Variants in PCDHA10 observed in about 807,000 individuals in gnomAD.
PCDHA10 encodes protocadherin alpha 10.
A neutral mutation model predicts 61.2 loss-of-function variants in PCDHA10; 45 were observed. The ratio of observed to expected loss-of-function variants is 0.74; its 90% CI spans 0.58 to 0.94. PCDHA10 has a LOEUF of 0.94. PCDHA10 is among the 40% of genes least tolerant of loss of function. The pLI is 0.00. For synonymous variants in PCDHA10, 602 were observed against 548.8 expected (o/e 1.10, Z -1.35); for missense variants, 1,278 against 1,236.2 (o/e 1.03, Z -0.51).
chr5:141,010,291 G>A lies in PCDHA10; in HGVS notation c.*354G>A. ...GGATCCTGTCTTGATGACACTTGCA[G>A]GGCAGGCTGAAAAGTTTTGAGATTG... On this transcript the variant is annotated 3_prime_UTR_variant, in exon 4 of 4. Coordinates refer to ENST00000307360, the MANE Select transcript of PCDHA10 (RefSeq NM_018901.4). 1.3e-6 allele frequency: 2 copies of A among 1,549,990 alleles called. No individual in the cohort carries two copies. The highest frequency in any genetic ancestry group is 1.2e-5 in the South Asian group (1 of 83,762).
At chr5:140,907,995 C>T (rs1441720086) in intron 1 of PCDHA10, among the ~76,000 whole-genome samples, 9 of 152,166 alleles carry the variant, frequency 5.9e-5, no homozygotes, top group African/African-American at 1.9e-4. Flanking sequence ...AGTCCTTAAC[C>T]ATCCAGCCAA....
At chr5:140,872,840 A>G (rs1297929350) in intron 1 of PCDHA10, among the ~76,000 whole-genome samples, 4 of 152,198 alleles carry the variant, frequency 2.6e-5, no homozygotes, top group African/African-American at 9.6e-5. Context: ...AAAAAATTAA[A>G]TATATTAATG....
intron 1 of PCDHA10, chr5:140,863,734 C>A: frequency 3.9e-6 from 1 of 256,490 alleles, no homozygotes; most frequent in Non-Finnish European, 7.7e-6. Flanking sequence ...GTAGCTCATG[C>A]CTATTTGTAA....
In PCDHA10 at chr5:140,856,348, G is replaced by A. The variant is rs2043945989; in HGVS notation, c.300G>A (p.Glu100=). 2 of 1,598,578 alleles carry A rather than the reference G, an allele frequency of 1.3e-6. No individual in the cohort carries two copies. Among genetic ancestry groups the A allele is most frequent in the Admixed American group, 1.7e-5 (1 of 59,292 alleles). ...DREELCGRSV[E]CSIHLEVIVD... ...AGGAGCTGTGCGGGCGGAGCGTGGA[G>A]TGCAGCATCCACCTGGAGGTGATCG... Residue 100 remains glutamate, a synonymous_variant, in exon 1 of 4, where the codon GAG becomes GAA. Coordinates refer to ENST00000307360, the MANE Select transcript of PCDHA10 (RefSeq NM_018901.4).
rs558490430 is a variant in PCDHA10, at chr5:140,909,702, G to A, written c.2388+51266G>A. ...AGCCAATGTGGGGGTTCTGCTAGCT[G>A]CTAAGTATACCTATGCCAATTATGC... is the stretch of plus-strand genomic sequence containing the variant. On this transcript the variant is annotated intron_variant, in intron 1 of 3. Transcript: ENST00000307360. Among the ~76,000 whole-genome samples the A allele has an allele frequency of 3.3e-5, 5 of 152,302 alleles. No individual in the cohort carries two copies. In the East Asian group the frequency reaches 9.6e-4, roughly 29 times the overall value.
chr5:140,944,182 GTTTGT>G (rs750577669), intron 1 of PCDHA10, among the ~76,000 whole-genome samples: 4 of 152,050 alleles, frequency 2.6e-5, no homozygotes, highest in African/African-American at 2.4e-5. Context: ...TTTTTTGTTG[GTTTGT>G]TTTGTTTTGT....
intron 1 of PCDHA10, among the ~76,000 whole-genome samples, chr5:140,887,146 G>A (rs1160453059): frequency 9.9e-5 from 15 of 151,600 alleles, no homozygotes; most frequent in Non-Finnish European, 2.1e-4. Context: ...GCCCAGGCTG[G>A]AGTACAGTGG....
chr5:140,996,130 G>A (rs1185857732), intron 3 of PCDHA10, among the ~76,000 whole-genome samples: 2 of 152,162 alleles, frequency 1.3e-5, no homozygotes, highest in African/African-American at 4.8e-5. Flanking sequence ...GGTGTAGAGG[G>A]TTCTCCCATT....
chr5:140,862,622 G>T (rs2047457580), intron 1 of PCDHA10: 8 of 530,260 alleles, frequency 1.5e-5, no homozygotes, highest in South Asian at 1.1e-4. Context: ...AACAACCCGC[G>T]GGGCTGCCAC....
intron 1 of PCDHA10, among the ~76,000 whole-genome samples, chr5:140,965,278 C>T (rs1554227554): frequency 6.6e-6 from 1 of 152,176 alleles, no homozygotes; most frequent in African/African-American, 2.4e-5. Flanking sequence ...AATGACACAG[C>T]ATGGAAAGAT....
At chr5:140,942,907 C>T (rs990206907) in intron 1 of PCDHA10, among the ~76,000 whole-genome samples, 14 of 151,044 alleles carry the variant, frequency 9.3e-5, no homozygotes, top group Non-Finnish European at 1.6e-4. Flanking sequence ...TAAGAATAAG[C>T]GTGAAGAAAA....
chr5:140,984,230 A>C (rs1329517544), intron 3 of PCDHA10, among the ~76,000 whole-genome samples: 1 of 152,112 alleles, frequency 6.6e-6, no homozygotes, highest in Non-Finnish European at 1.5e-5. Flanking sequence ...GCTCTTATGG[A>C]GGCATTGTAG....
At chr5:140,870,886 G>A (rs17844350) in intron 1 of PCDHA10, 1 of 1,613,944 alleles carries the variant, frequency 6.2e-7, no homozygotes, top group East Asian at 2.2e-5. Flanking sequence ...GAAGGTGCGC[G>A]CAGTGGATGC....
At chr5:140,876,117 C>T in intron 1 of PCDHA10, 1 of 1,613,922 alleles carries the variant, frequency 6.2e-7, no homozygotes, top group Non-Finnish European at 8.5e-7. Flanking sequence ...TGATGGTAAT[C>T]GATGGCGGTA....
intron 1 of PCDHA10, chr5:140,876,882 G>C: frequency 1.2e-6 from 2 of 1,614,140 alleles, no homozygotes; most frequent in Non-Finnish European, 1.7e-6. Context: ...ACAACCCGCC[G>C]GGCTGCCACA....
At chr5:140,956,958 A>C (rs970237928) in intron 1 of PCDHA10, among the ~76,000 whole-genome samples, 4 of 134,798 alleles carry the variant, frequency 3.0e-5, no homozygotes, top group Non-Finnish European at 6.6e-5. Context: ...AAACACTGTA[A>C]TTAATCAGTC....
At chr5:140,949,975 A>AT (rs2153688056) in intron 1 of PCDHA10, among the ~76,000 whole-genome samples, 1 of 152,044 alleles carries the variant, frequency 6.6e-6, no homozygotes, top group South Asian at 2.1e-4. Flanking sequence ...TACAGCATAC[A>AT]TACTTAACTT....
intron 1 of PCDHA10, chr5:140,926,329 A>G (rs1435633972): frequency 6.6e-6 from 1 of 152,150 alleles, no homozygotes; most frequent in Non-Finnish European, 1.5e-5. Flanking sequence ...CCGGGGTCAG[A>G]GCGCCGGGAC....
intron 1 of PCDHA10, among the ~76,000 whole-genome samples, chr5:140,975,398 TCA>T (rs1554236785): frequency 1.3e-4 from 20 of 152,270 alleles, no homozygotes. Flanking sequence ...TCCATCACAA[TCA>T]CAGTCTTGGA....
Sources: gnomAD v4.1 joint callset for allele counts (sites outside exome capture counted in the v4.1 genomes callset) on GRCh38, gnomAD v4.1.1 for gene constraint, MANE v1.5 for transcripts, NCBI Gene and HGNC (gene_info 2026-07-23, HGNC 2026-07-21) for gene names.